The following SRSF4 variants were observed in gnomAD, a reference collection of about 807,000 sequenced individuals.
The protein encoded by SRSF4 is serine/arginine-rich splicing factor 4.
SRSF4 carries 12 observed loss-of-function variants against 48.8 expected under a neutral mutation model. That is an observed-to-expected ratio of 0.25 (90% CI 0.16 to 0.40). The LOEUF is 0.40. Among genes scored for constraint, SRSF4 ranks in the 10% least tolerant of loss-of-function variants. SRSF4 has a pLI of 1.00. For synonymous variants in SRSF4, 248 were observed against 232.5 expected (o/e 1.07, Z -0.61); for missense variants, 466 against 667.1 (o/e 0.70, Z 3.32).
intron 2 of SRSF4, 46 bp from the exon 3 acceptor site, chr1:29,159,532 GA>G (rs768352489): frequency 3.5e-5 from 49 of 1,398,644 alleles, no homozygotes; most frequent in Admixed American, 9.2e-5. Context: ...GGAAGAAAAG[GA>G]AAAAAAATGA....
intron 4 of SRSF4, chr1:29,154,470 C>G: frequency 1.9e-6 from 1 of 523,442 alleles, no homozygotes; most frequent in Admixed American, 3.5e-5. Context: ...GCTGGGATTA[C>G]AGGCGTGAGC....
intron 1 of SRSF4, among the ~76,000 whole-genome samples, chr1:29,179,527 T>C (rs974150231): frequency 6.6e-6 from 1 of 152,078 alleles, no homozygotes; most frequent in African/African-American, 2.4e-5. Context: ...GCGTGGCTAA[T>C]TAAAAAAATT....
intron 1 of SRSF4, among the ~76,000 whole-genome samples, chr1:29,162,973 T>TAA (rs1332136786): frequency 1.3e-5 from 2 of 152,212 alleles, no homozygotes; most frequent in Admixed American, 6.5e-5. Flanking sequence ...AAGATCACCC[T>TAA]GTTCCAAGGC....
chr1:29,171,075 C>G (rs936357766), intron 1 of SRSF4: 1 of 152,144 alleles, frequency 6.6e-6, no homozygotes, highest in Non-Finnish European at 1.5e-5. Flanking sequence ...TAAGACCAGA[C>G]GGCCCTAGGA....
intron 1 of SRSF4, among the ~76,000 whole-genome samples, chr1:29,176,794 A>G (rs1379115630): frequency 6.6e-6 from 1 of 152,242 alleles, no homozygotes; most frequent in Admixed American, 6.5e-5. Flanking sequence ...GGTAATAATT[A>G]GATAGCATGA....
chr1:29,152,366 T>C (rs1228788441), intron 4 of SRSF4, among the ~76,000 whole-genome samples: 1 of 151,606 alleles, frequency 6.6e-6, no homozygotes, highest in Non-Finnish European at 1.5e-5. Context: ...CAATTCAGAG[T>C]TCTCCAATGC....
chr1:29,177,189 G>C (rs72876967), intron 1 of SRSF4, among the ~76,000 whole-genome samples: 23 of 151,922 alleles, frequency 1.5e-4, no homozygotes, highest in African/African-American at 5.6e-4. Context: ...TTACCACAGA[G>C]CTGAAAGGGT....
chr1:29,164,055 T>C (rs528074327), intron 1 of SRSF4, among the ~76,000 whole-genome samples: 1 of 152,298 alleles, frequency 6.6e-6, no homozygotes, highest in South Asian at 2.1e-4. Context: ...CTCAATATGT[T>C]ATCCAGGCTG....
Position 29,181,719 on chromosome 1 carries a change from G to T in SRSF4, c.34C>A (p.Gln12Lys). 1 of 1,594,160 alleles carries T rather than the reference G, an allele frequency of 6.3e-7. No individual in the cohort carries two copies. Among genetic ancestry groups the T allele is most frequent in the East Asian group, 2.4e-5 (1 of 42,116 alleles). The change falls in exon 1 of 6, where the codon CAG becomes AAG. Residue 12 changes from glutamine to lysine, a missense_variant. Transcript: ENST00000373795. ...CGCTCCACATCGCGCTCCCGGGCCT[G>T]GTAGCTCAGGCGGCCGATGTACACC... ...PRVYIGRLSY[Q>K]ARERDVERFF...
chr1:29,179,042 C>T (rs977174580), intron 1 of SRSF4, among the ~76,000 whole-genome samples: 1 of 152,108 alleles, frequency 6.6e-6, no homozygotes, highest in East Asian at 1.9e-4. Context: ...ATGAACAGTT[C>T]CTTAAAAAAA....
intron 4 of SRSF4, among the ~76,000 whole-genome samples, chr1:29,154,266 T>A (rs901809615): frequency 6.6e-6 from 1 of 151,938 alleles, no homozygotes; most frequent in Non-Finnish European, 1.5e-5. Flanking sequence ...GATTTCGCCA[T>A]GTTGGCCAGG....
chr1:29,168,682 A>C (rs1672701786), intron 1 of SRSF4: 1 of 152,200 alleles, frequency 6.6e-6, no homozygotes, highest in Non-Finnish European at 1.5e-5. Flanking sequence ...TGCAATCCCC[A>C]TTCTGGAGGT....
chr1:29,159,728 G>T, intron 2 of SRSF4: 2 of 297,538 alleles, frequency 6.7e-6, no homozygotes, highest in Non-Finnish European at 1.2e-5. Context: ...AGATTAACAT[G>T]CATAAATTTA....
chr1:29,147,749 C>G lies in SRSF4; in HGVS notation c.*661G>C, dbSNP rs1160203399. On this transcript the variant is annotated 3_prime_UTR_variant, in exon 6 of 6. Coordinates refer to ENST00000373795, the MANE Select transcript of SRSF4 (RefSeq NM_005626.5). ...CAATTCAAACACCATGAAATTTTGT[C>G]AAGCAAAAATAGTCTTTATTCAAAT... The G allele has an allele frequency of 6.0e-6, 1 of 166,506 alleles. No individual in the cohort carries two copies. The highest frequency in any genetic ancestry group is 2.4e-5 in the African/African-American group (1 of 41,530). The allele number at this position is 166,506 out of a possible 1,614,324, so 10.3% of individuals were successfully genotyped here.
rs896946209 is a variant in SRSF4 at position 29,181,842 on chromosome 1, G to C, written c.-90C>G. The C allele has an allele frequency of 3.7e-6, 4 of 1,080,136 alleles. No homozygotes were observed. The African/African-American group carries it at 6.6e-5, about 18-fold the overall frequency. 66.9% of individuals were successfully genotyped at this position (1,080,136 alleles called of 1,614,324 possible). A position where few individuals can be genotyped will look rare whatever the true frequency, so the allele number is the denominator to read the frequency against. ...AGAGCACGGCGGCAGCGGCGGCGGC[G>C]GCAACGGGCGGGCGGCGGGACGGAC... is the stretch of plus-strand genomic sequence containing the variant. On this transcript the variant is annotated 5_prime_UTR_variant, in exon 1 of 6. Transcript: ENST00000373795.
At chr1:29,152,191 G>A (rs1672420955) in intron 4 of SRSF4, among the ~76,000 whole-genome samples, 1 of 152,258 alleles carries the variant, frequency 6.6e-6, no homozygotes, top group East Asian at 1.9e-4. Context: ...AATTTTGCTA[G>A]CTATGTTATC....
At chr1:29,162,767 G>A (rs747248213) in intron 1 of SRSF4, among the ~76,000 whole-genome samples, 7 of 152,176 alleles carry the variant, frequency 4.6e-5, no homozygotes, top group Non-Finnish European at 1.0e-4. Context: ...CGAATCCTGA[G>A]GATTAAACAA....
At chr1:29,152,900 C>T (rs992810206) in intron 4 of SRSF4, among the ~76,000 whole-genome samples, 3 of 144,528 alleles carry the variant, frequency 2.1e-5, no homozygotes, top group Non-Finnish European at 4.5e-5. Context: ...GCCTGGGTGA[C>T]AGAGTGAAAG....
intron 1 of SRSF4, among the ~76,000 whole-genome samples, chr1:29,167,560 T>G (rs1672685655): frequency 6.6e-6 from 1 of 152,224 alleles, no homozygotes; most frequent in Non-Finnish European, 1.5e-5. Flanking sequence ...AATTTTTATA[T>G]TTTTAGTGGA....
Sources: gnomAD v4.1 joint callset for allele counts (sites outside exome capture counted in the v4.1 genomes callset) on GRCh38, gnomAD v4.1.1 for gene constraint, MANE v1.5 for transcripts, NCBI Gene and HGNC (gene_info 2026-07-23, HGNC 2026-07-21) for gene names.